Variants in CACNA1E observed in about 807,000 individuals in gnomAD.
The protein encoded by CACNA1E is calcium voltage-gated channel subunit alpha1 E.
Under a neutral mutation model 259.2 loss-of-function variants are expected in CACNA1E, and 40 were observed. The observed-to-expected ratio is 0.15, with a 90% CI of 0.12 to 0.20. The LOEUF (loss-of-function observed/expected upper bound fraction) is 0.20. Ranked by LOEUF, CACNA1E falls within the 10% of genes least tolerant of loss-of-function variation. CACNA1E has a pLI of 1.00. For synonymous variants in CACNA1E, 1,104 were observed against 1,138.5 expected (o/e 0.97, Z 0.61); for missense variants, 1,874 against 3,040.1 (o/e 0.62, Z 9.02).
At chr1:181,618,699 G>C (rs934356790) in intron 6 of CACNA1E, among the ~76,000 whole-genome samples, 3 of 152,218 alleles carry the variant, frequency 2.0e-5, no homozygotes, top group African/African-American at 7.2e-5. Flanking sequence ...GTTGGAATCT[G>C]ATTCTGCTAG....
At chr1:181,371,489 G>T (rs1654709983) in intron 1 of CACNA1E, among the ~76,000 whole-genome samples, 1 of 152,072 alleles carries the variant, frequency 6.6e-6, no homozygotes, top group Non-Finnish European at 1.5e-5. Context: ...TTCCTAGGCT[G>T]TTCTCAAACT....
intron 44 of CACNA1E, among the ~76,000 whole-genome samples, chr1:181,791,894 G>A (rs900361100): frequency 2.5e-4 from 38 of 152,234 alleles, no homozygotes; most frequent in African/African-American, 7.0e-4. Context: ...CACAGAGGGC[G>A]AAAAACACTC....
At chr1:181,495,830 G>T (rs1664696810) in intron 1 of CACNA1E, among the ~76,000 whole-genome samples, 1 of 152,222 alleles carries the variant, frequency 6.6e-6, no homozygotes, top group South Asian at 2.1e-4. Context: ...AATGTTGATA[G>T]AATTTATAAA....
intron 6 of CACNA1E, among the ~76,000 whole-genome samples, chr1:181,645,447 G>T (rs1211126764): frequency 6.6e-6 from 1 of 151,852 alleles, no homozygotes. Context: ...TCTTCTTATA[G>T]GTCCCCCACT....
At chr1:181,597,403 TTG>T (rs1177659836) in intron 6 of CACNA1E, among the ~76,000 whole-genome samples, 4 of 152,226 alleles carry the variant, frequency 2.6e-5, no homozygotes, top group Admixed American at 6.5e-5. Context: ...TGTATATTTT[TTG>T]TGTTTCGCAT....
At chr1:181,644,671 T>C (rs1164386135) in intron 6 of CACNA1E, among the ~76,000 whole-genome samples, 2 of 152,122 alleles carry the variant, frequency 1.3e-5, no homozygotes, top group Non-Finnish European at 2.9e-5. Context: ...ACTGAGCTTC[T>C]TGTGGCAGTG....
At chr1:181,380,748 TG>T (rs1158945069) in intron 1 of CACNA1E, among the ~76,000 whole-genome samples, 1 of 152,134 alleles carries the variant, frequency 6.6e-6, no homozygotes, top group African/African-American at 2.4e-5. Flanking sequence ...ACACTAATAA[TG>T]GGAATATAAA....
At chr1:181,646,709 C>G (rs1658299047) in intron 6 of CACNA1E, among the ~76,000 whole-genome samples, 1 of 152,132 alleles carries the variant, frequency 6.6e-6, no homozygotes, top group African/African-American at 2.4e-5. Context: ...CCATGGGGCC[C>G]CTTTCCTCCT....
At chr1:181,617,427 G>A (rs1430542510) in intron 6 of CACNA1E, among the ~76,000 whole-genome samples, 1 of 152,180 alleles carries the variant, frequency 6.6e-6, no homozygotes, top group Admixed American at 6.5e-5. Flanking sequence ...TCTTTGTCAA[G>A]GGTGGAAGGT....
At chr1:181,522,642 G>A (rs1223293377) in intron 3 of CACNA1E, among the ~76,000 whole-genome samples, 1 of 152,230 alleles carries the variant, frequency 6.6e-6, no homozygotes. Context: ...TGATTTAGGG[G>A]CCCTTACATC....
At chr1:181,666,252 A>G (rs1221957380) in intron 7 of CACNA1E, among the ~76,000 whole-genome samples, 1 of 152,176 alleles carries the variant, frequency 6.6e-6, no homozygotes, top group South Asian at 2.1e-4. Context: ...CCCATTGCCT[A>G]AACGATAGAA....
intron 2 of CACNA1E, among the ~76,000 whole-genome samples, chr1:181,443,630 G>T (rs537070333): frequency 6.6e-6 from 1 of 152,322 alleles, no homozygotes; most frequent in South Asian, 2.1e-4. Context: ...AGACACACAG[G>T]TTCTGAGGTG....
intron 18 of CACNA1E, among the ~76,000 whole-genome samples, chr1:181,728,278 G>A (rs1298935175): frequency 6.6e-6 from 1 of 152,184 alleles, no homozygotes; most frequent in African/African-American, 2.4e-5. Flanking sequence ...TGTGAGTTGG[G>A]ACAACGCTTG....
intron 1 of CACNA1E, among the ~76,000 whole-genome samples, chr1:181,370,409 AT>A (rs1441190857): frequency 7.4e-5 from 11 of 149,480 alleles, no homozygotes; most frequent in Admixed American, 7.3e-4. Flanking sequence ...ATGGTACCTG[AT>A]TCAAGCCTTA....
chr1:181,798,596 TGC>T lies in CACNA1E; in HGVS notation c.6705_6706del (p.His2236ArgfsTer10). On this transcript the variant is annotated frameshift_variant, in exon 48 of 48. Coordinates refer to ENST00000367573, the MANE Select transcript of CACNA1E (RefSeq NM_001205293.3). LOFTEE classifies it high-confidence loss of function. This position sits in a 1 kb window ranked among gnomAD's most constrained non-coding sequence, Gnocchi z 4.2. ...TACATCTCCGAGCCCTACTTGGCCCTGCACGAAGACTCCCACGCCTCAGACTG... is the reference window on the plus strand; with the variant it reads ...TACATCTCCGAGCCCTACTTGGCCCTACGAAGACTCCCACGCCTCAGACTG... 1 of 1,613,400 alleles carries T rather than the reference TGC, an allele frequency of 6.2e-7. No homozygotes were observed. Among genetic ancestry groups the T allele is most frequent in the Non-Finnish European group, 8.5e-7 (1 of 1,179,826 alleles).
Position 181,709,544 on chromosome 1 carries a change from C to T in CACNA1E, c.1056-1410C>T, listed in dbSNP as rs115448434. On this transcript the variant is annotated intron_variant, in intron 7 of 47. Transcript: ENST00000367573. ...TGCACTGTAGCTGGGGCCCATCCCC[C>T]AGCCCCTCATTCATTTCTTCTTTCC... Among the ~76,000 whole-genome samples the T allele has an allele frequency of 6.6e-3, 1,005 of 152,320 alleles. 14 individuals are homozygous for T. Among genetic ancestry groups the T allele is most frequent in the African/African-American group, 0.023 (966 of 41,572 alleles).
chr1:181,426,358 C>T (rs1312817252), intron 2 of CACNA1E, among the ~76,000 whole-genome samples: 2 of 151,868 alleles, frequency 1.3e-5, no homozygotes, highest in East Asian at 3.9e-4. Flanking sequence ...CCTAACTCAA[C>T]CCAGCTCATC....
At chr1:181,795,721 T>G (rs1440335583) in intron 46 of CACNA1E, among the ~76,000 whole-genome samples, 1 of 149,802 alleles carries the variant, frequency 6.7e-6, no homozygotes, top group Non-Finnish European at 1.5e-5. Context: ...ATTACAGGCG[T>G]GAGCCGCTGC....
intron 38 of CACNA1E, among the ~76,000 whole-genome samples, chr1:181,780,013 G>T (rs778787326): frequency 3.9e-5 from 6 of 152,224 alleles, no homozygotes; most frequent in Admixed American, 6.5e-5. Flanking sequence ...AATGTATGGA[G>T]TATGATCCTA....
Sources: allele counts gnomAD v4.1 joint callset (sites outside exome capture counted in the v4.1 genomes callset), GRCh38; gene constraint gnomAD v4.1.1; non-coding constraint Gnocchi (gnomAD v3.1); transcripts MANE v1.5; gene names NCBI Gene and HGNC (gene_info 2026-07-23, HGNC 2026-07-21).